RUFY1: variants seen among roughly 807,000 people sequenced by gnomAD.
The protein encoded by RUFY1 is RUN and FYVE domain containing 1.
A neutral mutation model predicts 94.6 loss-of-function variants in RUFY1; 54 were observed. The ratio of observed to expected loss-of-function variants is 0.57; its 90% confidence interval spans 0.46 to 0.72. RUFY1 has a LOEUF of 0.72. Among genes scored for constraint, RUFY1 ranks in the 30% least tolerant of loss-of-function variants. RUFY1 has a pLI of 0.00. For missense variants in RUFY1, 883 were observed against 883.9 expected (o/e 1.00, Z 0.01); for synonymous variants, 396 against 347.3 (o/e 1.14, Z -1.56).
In RUFY1 at chr5:179,609,807, A is replaced by G. The variant is rs1034304742; in HGVS notation, c.*288A>G. Reference sequence around the variant, plus strand: ...GCTACTATCATTTTTCACTTTTCAAAGAATTTAACCTATTTTACAGCAGTT... The same window carrying G: ...GCTACTATCATTTTTCACTTTTCAAGGAATTTAACCTATTTTACAGCAGTT... On this transcript the variant is annotated 3_prime_UTR_variant, in exon 18 of 18. Transcript: ENST00000319449. 9 of 339,974 alleles carry G rather than the reference A, an allele frequency of 2.6e-5. No homozygotes were observed. The highest frequency in any genetic ancestry group is 1.9e-4 in the African/African-American group (9 of 47,108). 21.1% of individuals were successfully genotyped at this position (339,974 alleles called of 1,614,324 possible).
chr5:179,589,756 CCTTG>C (rs1182277630), intron 9 of RUFY1, 109 bp downstream of exon 9: 5 of 855,556 alleles, frequency 5.8e-6, no homozygotes, highest in African/African-American at 5.0e-5. Flanking sequence ...TGCAAAGGTG[CCTTG>C]CTTATGTCAG....
At position 179,560,077 on chromosome 5, in the gene RUFY1, A is replaced by G; in HGVS notation, c.363A>G (p.Lys121=). Residue 121 remains lysine, a synonymous_variant, in exon 2 of 18, where the codon AAA becomes AAG. Coordinates refer to ENST00000319449, the MANE Select transcript of RUFY1 (RefSeq NM_025158.5). ...GTGCCAACCTGATGCACATGATGAA[A>G]CTCAGCATCAAGGTGTTGCTCCAGT... ...EERANLMHMM[K]LSIKVLLQSA... is the part of the protein sequence containing the mutation. 1 of 1,613,622 alleles carries G rather than the reference A, an allele frequency of 6.2e-7. No homozygotes were observed.
chr5:179,580,241 G>GTATGTATATATA (rs1764021046), intron 6 of RUFY1, among the ~76,000 whole-genome samples: 1 of 93,852 alleles, frequency 1.1e-5, no homozygotes, highest in South Asian at 3.5e-4. Context: ...GTGTGTGTGT[G>GTATGTATATATA]TATATTTTTT....
At chr5:179,593,354 C>T in intron 10 of RUFY1, 124 bp from the exon 11 acceptor site, 1 of 1,128,592 alleles carries the variant, frequency 8.9e-7, no homozygotes. Context: ...CTGAGGATTA[C>T]AGGCATGAGC....
intron 8 of RUFY1, among the ~76,000 whole-genome samples, chr5:179,587,559 AT>A (rs34633958): frequency 0.7 from 75,622 of 107,844 alleles, 26,741 homozygotes; most frequent in African/African-American, 0.83. Context: ...GCCCGGCTAA[AT>A]TTTTTTTTTT....
At chr5:179,577,009 C>A in intron 5 of RUFY1, 66 bp from the exon 6 acceptor site, 1 of 1,089,426 alleles carries the variant, frequency 9.2e-7, no homozygotes, top group Non-Finnish European at 1.4e-6. Context: ...ACCTGAATTT[C>A]AAAGGTTGTA....
chr5:179,577,189 T>TG, intron 6 of RUFY1, 53 bp downstream of exon 6: 2 of 871,454 alleles, frequency 2.3e-6, no homozygotes, highest in East Asian at 3.3e-5. Flanking sequence ...TTTTTTTTTT[T>TG]GAGACAGAAT....
chr5:179,555,684 A>G (rs372167472), intron 1 of RUFY1: 74 of 393,954 alleles, frequency 1.9e-4, no homozygotes, highest in Non-Finnish European at 3.1e-4. Flanking sequence ...CTGGAGTGCA[A>G]TGGCGTGATC....
intron 1 of RUFY1, chr5:179,555,825 T>A (rs1331326878): frequency 6.9e-6 from 2 of 291,712 alleles, no homozygotes; most frequent in African/African-American, 4.8e-5. Context: ...TTTTAATTGA[T>A]CATTCTTGGG....
intron 1 of RUFY1, among the ~76,000 whole-genome samples, chr5:179,554,520 G>A (rs1351885571): frequency 6.6e-6 from 1 of 151,528 alleles, no homozygotes; most frequent in Non-Finnish European, 1.5e-5. Context: ...AGGGCAACAA[G>A]AGCAAAACTT....
Position 179,609,696 on chromosome 5 carries a change from T to C in RUFY1, c.*177T>C. On this transcript the variant is annotated 3_prime_UTR_variant, in exon 18 of 18. Transcript: ENST00000319449. ...CCGGCAGCTCTCACCTTTCTGTGAC[T>C]TGTTCGGAATTAACTCCTCTGGATG... 1.7e-6 allele frequency: 1 copy of C among 577,034 alleles called. No homozygotes were observed. Among genetic ancestry groups the C allele is most frequent in the African/African-American group, 1.9e-5 (1 of 52,522 alleles). 35.7% of individuals were successfully genotyped at this position (577,034 alleles called of 1,614,324 possible). A position where few individuals can be genotyped will look rare whatever the true frequency, so the allele number is the denominator to read the frequency against.
intron 5 of RUFY1, among the ~76,000 whole-genome samples, chr5:179,574,682 A>T (rs941356646): frequency 6.6e-6 from 1 of 152,312 alleles, no homozygotes; most frequent in African/African-American, 2.4e-5. Flanking sequence ...CTAGAGTTGT[A>T]TGAAAGTATT....
At chr5:179,590,353 CAA>C (rs572220764) in intron 9 of RUFY1, among the ~76,000 whole-genome samples, 1 of 137,026 alleles carries the variant, frequency 7.3e-6, no homozygotes, top group Non-Finnish European at 1.6e-5. Flanking sequence ...GACTCCGTCT[CAA>C]AAAAAAAAAG....
rs1425224084 is a variant in RUFY1 at position 179,560,213 on chromosome 5, G to T, written c.484+15G>T. ...TGGGCTGAAAGGTGAGCCTGAGGGGGCGTTTGGGAGCGTGGAAGTTCGGGC... is the reference window on the plus strand; with the variant it reads ...TGGGCTGAAAGGTGAGCCTGAGGGGTCGTTTGGGAGCGTGGAAGTTCGGGC... On this transcript the variant is annotated intron_variant, in intron 2 of 17. Coordinates refer to ENST00000319449, the MANE Select transcript of RUFY1 (RefSeq NM_025158.5). 6.2e-7 allele frequency: 1 copy of T among 1,607,770 alleles called. No homozygotes were observed. The highest frequency in any genetic ancestry group is 1.3e-5 in the African/African-American group (1 of 74,792).
At chr5:179,608,290 C>T in intron 17 of RUFY1, 1 of 986,250 alleles carries the variant, frequency 1.0e-6, no homozygotes, top group South Asian at 4.7e-5. Flanking sequence ...AACAGCCTAG[C>T]TCTGTGGAAG....
chr5:179,553,523 C>A (rs545740163), intron 1 of RUFY1, among the ~76,000 whole-genome samples: 1 of 152,240 alleles, frequency 6.6e-6, no homozygotes, highest in South Asian at 2.1e-4. Flanking sequence ...GTGGCTCACA[C>A]CTGTAATCCC....
At chr5:179,596,302 A>G (rs963545467) in intron 12 of RUFY1, 1 of 554,498 alleles carries the variant, frequency 1.8e-6, no homozygotes, top group Admixed American at 3.1e-5. Flanking sequence ...GTATAATTAC[A>G]TTGAGATTAC....
chr5:179,581,438 ATTTT>A (rs763576066), intron 7 of RUFY1, among the ~76,000 whole-genome samples: 10 of 116,888 alleles, frequency 8.6e-5, no homozygotes, highest in African/African-American at 9.5e-5. Flanking sequence ...CTTTATCTTG[ATTTT>A]TTTTTTTTTT....
intron 8 of RUFY1, among the ~76,000 whole-genome samples, chr5:179,586,828 C>T (rs912574124): frequency 6.6e-6 from 1 of 152,112 alleles, no homozygotes; most frequent in African/African-American, 2.4e-5. Flanking sequence ...TCAGGCAGGT[C>T]GGTGGTTGAG....
Sources: allele counts gnomAD v4.1 joint callset (sites outside exome capture counted in the v4.1 genomes callset), GRCh38; gene constraint gnomAD v4.1.1; transcripts MANE v1.5; gene names NCBI Gene and HGNC (gene_info 2026-07-23, HGNC 2026-07-21).